GLIS3: variants seen among roughly 807,000 people sequenced by gnomAD.
The protein encoded by GLIS3 is zinc finger protein GLIS3.
A neutral mutation model predicts 78.6 loss-of-function variants in GLIS3; 53 were observed. That is an observed-to-expected ratio of 0.67 (90% CI 0.54 to 0.85). GLIS3 has a LOEUF of 0.85. Ranked by LOEUF, GLIS3 falls within the 40% of genes least tolerant of loss-of-function variation. The pLI, the probability that GLIS3 is intolerant of heterozygous loss-of-function variation, is 0.00. For synonymous variants in GLIS3, 684 were observed against 509.9 expected, an observed-to-expected ratio of 1.34 and a Z score of -4.60; for missense variants, 1,703 against 1,231.1, an observed-to-expected ratio of 1.38 and a Z score of -5.74.
At chr9:4,009,427 C>A (rs1478380570) in intron 4 of GLIS3, among the ~76,000 whole-genome samples, 1 of 152,208 alleles carries the variant, frequency 6.6e-6, no homozygotes, top group African/African-American at 2.4e-5. Flanking sequence ...TGGGCGGCAT[C>A]CCTGCTGGCC....
chr9:4,050,724 G>C (rs1209419290), intron 4 of GLIS3, among the ~76,000 whole-genome samples: 1 of 152,108 alleles, frequency 6.6e-6, no homozygotes, highest in African/African-American at 2.4e-5. Flanking sequence ...TTTCCTGTGG[G>C]ATTCTGATCT....
chr9:4,402,119 T>C, the GLIS3 span, among the ~76,000 whole-genome samples: 12,189 of 152,158 alleles, frequency 0.08, 667 homozygotes, highest in South Asian at 0.18. Context: ...TGGCTTCAGG[T>C]CTGACCCACC....
At chr9:3,863,816 G>A (rs1419781168) in intron 8 of GLIS3, among the ~76,000 whole-genome samples, 1 of 152,140 alleles carries the variant, frequency 6.6e-6, no homozygotes, top group Non-Finnish European at 1.5e-5. Context: ...CAATGCCCAA[G>A]GCAGAGAAGT....
At chr9:3,963,800 GT>G (rs1817739370) in intron 4 of GLIS3, among the ~76,000 whole-genome samples, 1 of 152,004 alleles carries the variant, frequency 6.6e-6, no homozygotes, top group Non-Finnish European at 1.5e-5. Flanking sequence ...AAGGATGATG[GT>G]TCCTGGTACA....
chr9:4,084,156 C>A (rs990000019), intron 4 of GLIS3, among the ~76,000 whole-genome samples: 1 of 151,990 alleles, frequency 6.6e-6, no homozygotes, highest in Admixed American at 6.6e-5. Context: ...AGCAAGAACT[C>A]CTTTGGGAGG....
At chr9:4,019,264 A>C (rs1822678196) in intron 4 of GLIS3, among the ~76,000 whole-genome samples, 1 of 152,166 alleles carries the variant, frequency 6.6e-6, no homozygotes, top group Non-Finnish European at 1.5e-5. Flanking sequence ...CCTCACAATC[A>C]TCCTCGAGGA....
chr9:4,091,579 C>T (rs961660041), intron 4 of GLIS3, among the ~76,000 whole-genome samples: 7 of 152,100 alleles, frequency 4.6e-5, no homozygotes, highest in African/African-American at 1.7e-4. Context: ...AGTCATGTGT[C>T]GCTTAATGAC....
intron 5 of GLIS3, among the ~76,000 whole-genome samples, chr9:3,935,037 A>ATGTT (rs887304450): frequency 2.0e-5 from 3 of 152,202 alleles, no homozygotes; most frequent in African/African-American, 7.2e-5. Context: ...GAACTCAGTA[A>ATGTT]TGTTTATGGG....
At chr9:4,298,895 C>A in intron 1 of GLIS3, among the ~76,000 whole-genome samples, 1 of 152,256 alleles carries the variant, frequency 6.6e-6, no homozygotes, top group Non-Finnish European at 1.5e-5. Flanking sequence ...AAACAGCCTT[C>A]GTGAAACTCC....
the GLIS3 span, among the ~76,000 whole-genome samples, chr9:4,455,540 A>G: frequency 6.6e-6 from 1 of 152,146 alleles, no homozygotes; most frequent in Admixed American, 6.5e-5. Flanking sequence ...TGGATCATAT[A>G]ATTTGTTTGA....
chr9:4,364,911 G>A, the GLIS3 span, among the ~76,000 whole-genome samples: 123 of 151,922 alleles, frequency 8.1e-4, 1 homozygote, highest in African/African-American at 2.8e-3. Flanking sequence ...AGCCTCCCAA[G>A]TAGCCAGAAC....
At chr9:4,168,157 TTC>T (rs1446105638) in intron 2 of GLIS3, among the ~76,000 whole-genome samples, 4 of 152,094 alleles carry the variant, frequency 2.6e-5, no homozygotes, top group African/African-American at 7.2e-5. Flanking sequence ...CTTTCTTATC[TTC>T]TCTCTCTTCT....
intron 4 of GLIS3, among the ~76,000 whole-genome samples, chr9:4,068,924 A>G (rs1371150660): frequency 1.3e-5 from 2 of 152,100 alleles, no homozygotes; most frequent in Admixed American, 6.6e-5. Flanking sequence ...TCCACTGATT[A>G]AAGGGTATCA....
the GLIS3 span, among the ~76,000 whole-genome samples, chr9:4,440,105 G>A: frequency 2.0e-5 from 3 of 152,258 alleles, no homozygotes; most frequent in East Asian, 3.9e-4. Context: ...CTTGTCAGAC[G>A]TGTAGTTTTC....
chr9:4,179,823 T>G (rs144055906), intron 2 of GLIS3, among the ~76,000 whole-genome samples: 34 of 151,622 alleles, frequency 2.2e-4, no homozygotes, highest in Non-Finnish European at 7.4e-5. Flanking sequence ...GGCAGGAGAA[T>G]CGCTGGAACC....
chr9:4,168,181 A>ACACACACACACAGACG (rs1816042141), intron 2 of GLIS3, among the ~76,000 whole-genome samples: 5 of 151,212 alleles, frequency 3.3e-5, no homozygotes, highest in Admixed American at 6.6e-5. Flanking sequence ...TCTCTCTTAC[A>ACACACACACACAGACG]CACACACACA....
chr9:4,335,508 C>G (rs112434002), intron 2 of GLIS3, among the ~76,000 whole-genome samples: 11 of 152,160 alleles, frequency 7.2e-5, no homozygotes, highest in African/African-American at 2.7e-4. Flanking sequence ...CACGTGCTTT[C>G]CTGTGCAAAG....
At chr9:4,091,523 GTGCACACAAACA>G (rs1564033198) in intron 4 of GLIS3, among the ~76,000 whole-genome samples, 3 of 136,924 alleles carry the variant, frequency 2.2e-5, no homozygotes, top group East Asian at 4.8e-4. Flanking sequence ...ACACGCACAC[GTGCACACAAACA>G]CACACACACA....
intron 4 of GLIS3, among the ~76,000 whole-genome samples, chr9:4,073,823 T>G (rs1827822845): frequency 6.6e-6 from 1 of 152,168 alleles, no homozygotes; most frequent in Non-Finnish European, 1.5e-5. Flanking sequence ...TAAGTAAAAT[T>G]ACGCATGAAA....
Sources: gnomAD v4.1 joint callset for allele counts (sites outside exome capture counted in the v4.1 genomes callset) on GRCh38, gnomAD v4.1.1 for gene constraint, MANE v1.5 for transcripts, NCBI Gene and HGNC (gene_info 2026-07-23, HGNC 2026-07-21) for gene names.